The following ADAMTS7 variants were observed in gnomAD, a reference collection of about 807,000 sequenced individuals.
ADAMTS7 encodes the protein ADAM metallopeptidase with thrombospondin type 1 motif 7, also known as A disintegrin and metalloproteinase with thrombospondin motifs 7.
A neutral mutation model predicts 172.6 loss-of-function variants in ADAMTS7; 89 were observed. That is an observed-to-expected ratio of 0.52 (90% CI 0.43 to 0.61). ADAMTS7 has a LOEUF of 0.61. ADAMTS7 is among the 20% of genes least tolerant of loss of function. The pLI is 0.00. For missense variants in ADAMTS7, 1,973 were observed against 2,355.6 expected (o/e 0.84, Z 3.36); for synonymous variants, 885 against 978.4 (o/e 0.90, Z 1.78).
At chr15:78,778,770 G>A (rs759388488) in intron 8 of ADAMTS7, among the ~76,000 whole-genome samples, 4 of 152,194 alleles carry the variant, frequency 2.6e-5, no homozygotes, top group Non-Finnish European at 5.9e-5. Flanking sequence ...CAGAGGGTCA[G>A]GATGAGCATA....
At position 78,778,297 on chromosome 15, in the gene ADAMTS7, C is replaced by T. The variant is rs892582368; in HGVS notation, c.1323-709G>A. Among the ~76,000 whole-genome samples, 3 of 152,260 alleles carry T rather than the reference C, an allele frequency of 2.0e-5. No homozygotes were observed. The East Asian group carries it at 5.8e-4, about 29-fold the overall frequency. The stretch of plus-strand genomic sequence containing the variant: ...TGAAGACAAGGCTGCTCAGACACAA[C>T]ACCATGAGGCAGGAAGCATGGAAGC... On this transcript the variant is annotated intron_variant, in intron 8 of 23. Coordinates refer to ENST00000388820, the MANE Select transcript of ADAMTS7 (RefSeq NM_014272.5).
At chr15:78,791,923 AAATGGCT>A in intron 4 of ADAMTS7, among the ~76,000 whole-genome samples, 1 of 76,384 alleles carries the variant, frequency 1.3e-5, no homozygotes, top group Non-Finnish European at 4.3e-5. Context: ...AGGTGAGGGG[AAATGGCT>A]GGGGAAAGCC....
intron 2 of ADAMTS7, 136 bp from the exon 3 acceptor site, chr15:78,798,249 T>A (rs2055672957): frequency 6.2e-6 from 5 of 811,028 alleles, no homozygotes; most frequent in Non-Finnish European, 9.0e-6. Context: ...CACACTGTAC[T>A]TTCCTCCCGC....
In ADAMTS7 at chr15:78,763,698, C is replaced by G; in HGVS notation, c.4740+1G>C. ...CTGCTCCTCCCCGCAGCCCGGCTCACCTGGCCCCAGGGCCCCACCACCCAC... is the reference window on the plus strand; with the variant it reads ...CTGCTCCTCCCCGCAGCCCGGCTCAGCTGGCCCCAGGGCCCCACCACCCAC... On this transcript the variant is annotated splice_donor_variant, in intron 22 of 23. Coordinates refer to ENST00000388820, the MANE Select transcript of ADAMTS7 (RefSeq NM_014272.5). LOFTEE classifies it high-confidence loss of function. 1 of 1,531,818 alleles carries G rather than the reference C, an allele frequency of 6.5e-7. No individual in the cohort carries two copies. The highest frequency in any genetic ancestry group is 2.3e-5 in the East Asian group (1 of 44,014). 94.9% of individuals were successfully genotyped at this position (1,531,818 alleles called of 1,614,324 possible).
At chr15:78,784,842 G>T (rs1216163811) in intron 8 of ADAMTS7, among the ~76,000 whole-genome samples, 1 of 152,064 alleles carries the variant, frequency 6.6e-6, no homozygotes, top group Non-Finnish European at 1.5e-5. Context: ...ACCCGAAGTT[G>T]ATATCAAATC....
chr15:78,789,891 A>C, intron 6 of ADAMTS7, 53 bp from the exon 7 acceptor site: 1 of 1,536,574 alleles, frequency 6.5e-7, no homozygotes, highest in Non-Finnish European at 8.8e-7. Flanking sequence ...TGCCAGGCCC[A>C]CCTGAGCTAA....
chr15:78,808,938 T>C (rs2055830959), intron 1 of ADAMTS7, among the ~76,000 whole-genome samples: 1 of 152,218 alleles, frequency 6.6e-6, no homozygotes, highest in South Asian at 2.1e-4. Flanking sequence ...TTGGAGCTTC[T>C]ACCAAAGAAA....
intron 23 of ADAMTS7, among the ~76,000 whole-genome samples, chr15:78,761,605 G>A (rs1346069208): frequency 6.6e-6 from 1 of 152,220 alleles, no homozygotes; most frequent in Non-Finnish European, 1.5e-5. Context: ...GCCCTGAGAG[G>A]GAAATGGAGC....
chr15:78,785,743 C>A (rs549541251), intron 8 of ADAMTS7, among the ~76,000 whole-genome samples: 3 of 152,176 alleles, frequency 2.0e-5, no homozygotes, highest in South Asian at 2.1e-4. Context: ...TAAATCCCAA[C>A]CTTCCAGATA....
At chr15:78,801,424 T>G (rs1180151695) in intron 1 of ADAMTS7, among the ~76,000 whole-genome samples, 1 of 152,174 alleles carries the variant, frequency 6.6e-6, no homozygotes, top group Non-Finnish European at 1.5e-5. Flanking sequence ...CACTCTTCTC[T>G]CTGTTTTCCA....
At chr15:78,769,817 T>A (rs535489564) in intron 16 of ADAMTS7, among the ~76,000 whole-genome samples, 2 of 152,370 alleles carry the variant, frequency 1.3e-5, no homozygotes, top group African/African-American at 4.8e-5. Flanking sequence ...GTTCCCCAAA[T>A]GTCTAGTGCT....
At position 78,762,568 on chromosome 15, in the gene ADAMTS7, G is replaced by A; in HGVS notation, c.4741-3C>T. 6.8e-7 allele frequency: 1 copy of A among 1,480,602 alleles called. No individual in the cohort carries two copies. The highest frequency in any genetic ancestry group is 9.0e-7 in the Non-Finnish European group (1 of 1,107,236). 91.7% of individuals were successfully genotyped at this position (1,480,602 alleles called of 1,614,324 possible). ...CCACCACCACAGGGGCCTGAGCACT[G>A]AGGGGAGCGGGGGAGGAATGAGTGT... is the stretch of plus-strand genomic sequence containing the variant. On this transcript the variant is annotated splice_region_variant and splice_polypyrimidine_tract_variant and intron_variant, in intron 22 of 23. Coordinates refer to ENST00000388820, the MANE Select transcript of ADAMTS7 (RefSeq NM_014272.5).
In ADAMTS7 at chr15:78,762,999, G is replaced by A. The variant is rs186713433; in HGVS notation, c.4741-434C>T. 3.2e-4 allele frequency among the ~76,000 whole-genome samples: 49 copies of A among 152,312 alleles called. No homozygotes were observed. The East Asian group carries it at 7.3e-3, about 23-fold the overall frequency. Reference sequence around the variant, plus strand: ...GAGGGCAGGAGACAGTTTCACAGCCGGGGCCCAGCCCGCCAGGCTTCGTTG... The same window carrying A: ...GAGGGCAGGAGACAGTTTCACAGCCAGGGCCCAGCCCGCCAGGCTTCGTTG... On this transcript the variant is annotated intron_variant, in intron 22 of 23. Coordinates refer to ENST00000388820, the MANE Select transcript of ADAMTS7 (RefSeq NM_014272.5).
Position 78,766,809 on chromosome 15 carries a change from T to C in ADAMTS7, c.3102A>G (p.Ser1034=). ...HHLAPRPSPA[S]SPKPGTMGNA... ...TGCCCATGGTGCCTGGCTTGGGTGA[T>C]GAGGCGGGTGAAGGGCGTGGGGCCA... is the stretch of plus-strand genomic sequence containing the variant. The change falls in exon 19 of 24, where the codon TCA becomes TCG. Residue 1034 remains serine, a synonymous_variant. Transcript: ENST00000388820. The C allele has an allele frequency of 6.2e-7, 1 of 1,610,334 alleles. No homozygotes were observed. Among genetic ancestry groups the C allele is most frequent in the South Asian group, 1.1e-5 (1 of 90,964 alleles).
chr15:78,762,369 A>G, intron 23 of ADAMTS7, 34 bp downstream of exon 23: 1 of 1,378,482 alleles, frequency 7.3e-7, no homozygotes, highest in Non-Finnish European at 9.5e-7. Flanking sequence ...ACCCCACCTC[A>G]CTTCAGCAGG....
At chr15:78,784,405 A>G (rs1596190558) in intron 8 of ADAMTS7, among the ~76,000 whole-genome samples, 1 of 42,776 alleles carries the variant, frequency 2.3e-5, no homozygotes, top group Non-Finnish European at 4.4e-5. Flanking sequence ...GGAGAGGAAG[A>G]GGGGGGAGGG....
chr15:78,806,217 G>A (rs1421840563), intron 1 of ADAMTS7, among the ~76,000 whole-genome samples: 2 of 148,878 alleles, frequency 1.3e-5, no homozygotes, highest in Non-Finnish European at 3.0e-5. Context: ...CAAGGTCCAA[G>A]CAAGGGGAAA....
Position 78,773,166 on chromosome 15 carries a change from A to G in ADAMTS7, c.2048T>C (p.Met683Thr), listed in dbSNP as rs753950694. The change falls in exon 14 of 24, where the codon ATG becomes ACG. Residue 683 changes from methionine (M) to threonine (T), a missense_variant. Transcript: ENST00000388820. ...GCDFEIDSGA[M>T]EDRCGVCHGN... ...GTGGCACACACCACAGCGGTCCTCC[A>G]TAGCACCGGAGTCAATCTCGAAGTC... 61 of 1,496,030 alleles carry G rather than the reference A, an allele frequency of 4.1e-5. 2 individuals are homozygous for G. Among genetic ancestry groups the G allele is most frequent in the Non-Finnish European group, 5.4e-5 (59 of 1,091,044 alleles). The allele number at this position is 1,496,030 out of a possible 1,614,324, so 92.7% of individuals were successfully genotyped here.
chr15:78,771,876 T>G lies in ADAMTS7; in HGVS notation c.2132-47A>C. On this transcript the variant is annotated intron_variant, in intron 14 of 23. Transcript: ENST00000388820. This position sits in a 1 kb window ranked among gnomAD's most constrained non-coding sequence, Gnocchi z 4.9. The stretch of plus-strand genomic sequence containing the variant: ...TAGGTTGTGCCCAGGGTGAGAGGGT[T>G]GCTTATCCCCACCCGCTCCCCTCAT... 1 of 1,583,038 alleles carries G rather than the reference T, an allele frequency of 6.3e-7. No individual in the cohort carries two copies. Among genetic ancestry groups the G allele is most frequent in the Non-Finnish European group, 8.6e-7 (1 of 1,168,472 alleles).
Sources: allele counts gnomAD v4.1 joint callset (sites outside exome capture counted in the v4.1 genomes callset), GRCh38; gene constraint gnomAD v4.1.1; non-coding constraint Gnocchi (gnomAD v3.1); transcripts MANE v1.5; gene names NCBI Gene and HGNC (gene_info 2026-07-23, HGNC 2026-07-21).